Variants in RANBP2 observed in about 807,000 individuals in gnomAD.
The protein encoded by RANBP2 is RAN binding protein 2.
Under a neutral mutation model 303.6 loss-of-function variants are expected in RANBP2, and 57 were observed. The observed-to-expected ratio is 0.19, with a 90% CI of 0.15 to 0.23. RANBP2 has a LOEUF of 0.23. RANBP2 is among the 10% of genes least tolerant of loss of function. RANBP2 has a pLI of 1.00. For synonymous variants in RANBP2, 1,167 were observed against 1,301.5 expected, an observed-to-expected ratio of 0.90 and a Z score of 2.23; for missense variants, 3,138 against 3,780.8, an observed-to-expected ratio of 0.83 and a Z score of 4.46.
chr2:109,546,583 T>C, the RANBP2 span, among the ~76,000 whole-genome samples: 1 of 150,976 alleles, frequency 6.6e-6, no homozygotes. Flanking sequence ...AAATAAGAGA[T>C]GCAAAGTATA....
At chr2:108,846,851 G>A in the RANBP2 span, 2 of 1,613,574 alleles carry the variant, frequency 1.2e-6, no homozygotes, top group Non-Finnish European at 1.7e-6. Flanking sequence ...ATAAACCAAA[G>A]ACAGCTGCTT....
rs1676873827 is a variant in RANBP2 at position 108,763,343 on chromosome 2, C to T, written c.2804C>T (p.Ser935Phe). 4.3e-6 allele frequency: 7 copies of T among 1,614,008 alleles called. No homozygotes were observed. Among genetic ancestry groups the T allele is most frequent in the Non-Finnish European group, 5.9e-6 (7 of 1,179,964 alleles). The stretch of plus-strand genomic sequence containing the variant: ...CAAAGCTCATCTGCTTGTATGTTCT[C>T]TCAGGAGATGTATGGTCCTCCTGCA... Reference protein sequence around the residue: ...PVQSSSACMFSQEMYGPPALR... With the variant: ...PVQSSSACMFFQEMYGPPALR... The change falls in exon 20 of 29, where the codon TCT becomes TTT. Residue 935 changes from serine to phenylalanine, a missense_variant. Ser to Phe is a radical substitution (Grantham distance 155). Coordinates refer to ENST00000283195, the MANE Select transcript of RANBP2 (RefSeq NM_006267.5).
chr2:109,395,278 C>G, the RANBP2 span, among the ~76,000 whole-genome samples: 5 of 152,146 alleles, frequency 3.3e-5, no homozygotes, highest in Non-Finnish European at 7.4e-5. Flanking sequence ...TGAGGCCCTT[C>G]GGGTTAGTCC....
the RANBP2 span, among the ~76,000 whole-genome samples, chr2:109,060,285 G>T: frequency 6.6e-6 from 1 of 152,222 alleles, no homozygotes; most frequent in Admixed American, 6.5e-5. Context: ...GAAATGAGCT[G>T]TTGGTAACCG....
chr2:109,633,632 C>T, the RANBP2 span, among the ~76,000 whole-genome samples: 475 of 152,172 alleles, frequency 3.1e-3, 1 homozygote, highest in Admixed American at 6.4e-3. Context: ...GCAGAGCCAC[C>T]GCCAAGAGGG....
In RANBP2 at chr2:108,782,397, T is replaced by C; in HGVS notation, c.9030T>C (p.Tyr3010=). The change falls in exon 27 of 29, where the codon TAT becomes TAC. Residue 3010 remains tyrosine, a synonymous_variant. Coordinates refer to ENST00000283195, the MANE Select transcript of RANBP2 (RefSeq NM_006267.5). ...CTTTAGTTTGGACTGCCTCAGATTA[T>C]GCTGGTGAGTTTTTACATTCAAATG... The part of the protein sequence containing the change: ...NNALVWTASD[Y]ADGEAKVEQL... The C allele has an allele frequency of 6.2e-7, 1 of 1,614,000 alleles. No homozygotes were observed. Among genetic ancestry groups the C allele is most frequent in the Admixed American group, 1.7e-5 (1 of 60,030 alleles).
At chr2:109,405,504 C>T in the RANBP2 span, among the ~76,000 whole-genome samples, 9 of 152,242 alleles carry the variant, frequency 5.9e-5, no homozygotes, top group East Asian at 9.7e-4. Context: ...CTGCGCACCA[C>T]GCTGCTCTGG....
the RANBP2 span, chr2:109,614,702 C>T: frequency 2.0e-6 from 3 of 1,488,656 alleles, no homozygotes; most frequent in Non-Finnish European, 2.7e-6. Flanking sequence ...TCGATCCCGC[C>T]GACGGCGCCA....
chr2:109,157,803 A>T, the RANBP2 span, among the ~76,000 whole-genome samples: 1 of 152,172 alleles, frequency 6.6e-6, no homozygotes, highest in Non-Finnish European at 1.5e-5. Context: ...GGACACCTTT[A>T]TCAGGATTGA....
chr2:109,406,002 G>A, the RANBP2 span, among the ~76,000 whole-genome samples: 2 of 152,208 alleles, frequency 1.3e-5, no homozygotes, highest in African/African-American at 2.4e-5. Context: ...CCGCAGGCCC[G>A]GCTGCACATC....
chr2:109,031,550 G>T, the RANBP2 span, among the ~76,000 whole-genome samples: 2 of 152,222 alleles, frequency 1.3e-5, no homozygotes, highest in Non-Finnish European at 2.9e-5. Flanking sequence ...GCTGCACCGA[G>T]TCCGCGGGTC....
the RANBP2 span, among the ~76,000 whole-genome samples, chr2:108,794,261 G>C: frequency 3.3e-5 from 5 of 152,072 alleles, no homozygotes; most frequent in Non-Finnish European, 7.4e-5. Flanking sequence ...CCATTTCTTG[G>C]CAATTAGTGT....
chr2:108,785,068 A>G lies in RANBP2; in HGVS notation c.*1167A>G, dbSNP rs1237291248. The G allele has an allele frequency of 6.6e-6, 1 of 152,194 alleles. No homozygotes were observed. The highest frequency in any genetic ancestry group is 1.5e-5 in the Non-Finnish European group (1 of 68,034). 9.4% of individuals were successfully genotyped at this position (152,194 alleles called of 1,614,324 possible). A position where few individuals can be genotyped will look rare whatever the true frequency, so the allele number is the denominator to read the frequency against. On this transcript the variant is annotated 3_prime_UTR_variant, in exon 29 of 29. Coordinates refer to ENST00000283195, the MANE Select transcript of RANBP2 (RefSeq NM_006267.5). ...TTGTATATTGCAATTATGAATATTG[A>G]CTGTCTTCCACCCATCTGTGTTCTT...
chr2:109,350,856 T>C, the RANBP2 span, among the ~76,000 whole-genome samples: 19 of 152,248 alleles, frequency 1.2e-4, no homozygotes, highest in Non-Finnish European at 2.2e-4. Flanking sequence ...TATGTTCCAT[T>C]CCTGAGTCAG....
chr2:108,787,777 A>G (rs933107996), downstream of RANBP2, among the ~76,000 whole-genome samples: 3 of 151,880 alleles, frequency 2.0e-5, no homozygotes, highest in African/African-American at 7.3e-5. Flanking sequence ...TATCTTATAG[A>G]TGCTTCTTCG....
chr2:109,077,581 A>C, the RANBP2 span, among the ~76,000 whole-genome samples: 1 of 150,596 alleles, frequency 6.6e-6, no homozygotes, highest in Non-Finnish European at 1.5e-5. Context: ...TAGTATACAA[A>C]ATATATTAGG....
At chr2:109,730,212 G>C in the RANBP2 span, among the ~76,000 whole-genome samples, 1 of 152,158 alleles carries the variant, frequency 6.6e-6, no homozygotes, top group African/African-American at 2.4e-5. Context: ...TTTGAGGAAA[G>C]GTTCAGAGAA....
chr2:109,139,830 C>A, the RANBP2 span, among the ~76,000 whole-genome samples: 1 of 152,152 alleles, frequency 6.6e-6, no homozygotes, highest in South Asian at 2.1e-4. Flanking sequence ...TGCCAAAGAC[C>A]AATGTGTCCA....
At chr2:109,554,371 T>C in the RANBP2 span, among the ~76,000 whole-genome samples, 7 of 152,234 alleles carry the variant, frequency 4.6e-5, no homozygotes, top group African/African-American at 1.7e-4. Context: ...ACAATACATT[T>C]TTATGTTACA....
Sources: gnomAD v4.1 joint callset for allele counts (sites outside exome capture counted in the v4.1 genomes callset) on GRCh38, gnomAD v4.1.1 for gene constraint, MANE v1.5 for transcripts, NCBI Gene and HGNC (gene_info 2026-07-23, HGNC 2026-07-21) for gene names.